The following COL7A1 variants were observed in gnomAD, a reference collection of about 807,000 sequenced individuals.
COL7A1 encodes the protein collagen type VII alpha 1 chain.
COL7A1 carries 296 observed loss-of-function variants against 456.2 expected under a neutral mutation model. The observed-to-expected ratio is 0.65, with a 90% confidence interval of 0.59 to 0.71. The LOEUF (loss-of-function observed/expected upper bound fraction) is 0.71. COL7A1 is among the 30% of genes least tolerant of loss of function. COL7A1 has a pLI of 0.00. For synonymous variants in COL7A1, 1,464 were observed against 1,525.9 expected, an observed-to-expected ratio of 0.96 and a Z score of 0.95; for missense variants, 3,441 against 4,017.2, an observed-to-expected ratio of 0.86 and a Z score of 3.88.
rs2045102629 is a variant in COL7A1 at position 48,584,743 on chromosome 3, C to T, written c.4038G>A (p.Lys1346=). ...DPGERGPRGP[K]GEPGAPGQVI... is the part of the protein sequence containing the mutation. ...TTCCCCCTTCACCTACCGGCTCCCC[C>T]TTTGGGCCTCGAGGTCCTCGCTCTC... Residue 1346 remains lysine (K), a synonymous_variant, in exon 35 of 119, where the codon AAG becomes AAA. Transcript: ENST00000681320. 3 of 1,613,906 alleles carry T rather than the reference C, an allele frequency of 1.9e-6. No individual in the cohort carries two copies. In the South Asian group the frequency reaches 3.3e-5, roughly 18 times the overall value.
Position 48,568,499 on chromosome 3 carries a change from C to T in COL7A1, c.7794G>A (p.Pro2598=), listed in dbSNP as rs377067446. The change falls in exon 105 of 119, where the codon CCG becomes CCA. Residue 2598 remains proline, a splice_region_variant and synonymous_variant. Coordinates refer to ENST00000681320, the MANE Select transcript of COL7A1 (RefSeq NM_000094.4). The surrounding 1 kb of genome is among the most constrained non-coding windows in gnomAD (Gnocchi z 5.2). ...QPGAAGIPGD[P]GSPGKDGVPG... is the part of the protein sequence containing the mutation. The stretch of plus-strand genomic sequence containing the variant: ...CCCTGTGGGAGCAGGGGCATCTTAC[C>T]GGGTCACCAGGGATCCCTGCTGCAC... 6.4e-5 allele frequency: 103 copies of T among 1,604,196 alleles called. No homozygotes were observed. Among genetic ancestry groups the T allele is most frequent in the South Asian group, 1.2e-4 (11 of 90,542 alleles).
rs1406743927 is a variant in COL7A1 at position 48,590,642 on chromosome 3, C to T, written c.1780+31G>A. On this transcript the variant is annotated intron_variant, in intron 14 of 118. Coordinates refer to ENST00000681320, the MANE Select transcript of COL7A1 (RefSeq NM_000094.4). This position sits in a 1 kb window ranked among gnomAD's most constrained non-coding sequence, Gnocchi z 4.6. Reference sequence around the variant, plus strand: ...ACCAGGACCAGAGTGAGGCAGGCAGCTGTCCTCCACAAGCCTCCTGCAGTA... The same window carrying T: ...ACCAGGACCAGAGTGAGGCAGGCAGTTGTCCTCCACAAGCCTCCTGCAGTA... 6.8e-6 allele frequency: 11 copies of T among 1,613,982 alleles called. No individual in the cohort carries two copies. The highest frequency in any genetic ancestry group is 8.5e-6 in the Non-Finnish European group (10 of 1,180,026).
rs1185095378 is a variant in COL7A1 at position 48,575,037 on chromosome 3, G to T, written c.6279+27C>A. 6.2e-7 allele frequency: 1 copy of T among 1,608,190 alleles called. No homozygotes were observed. Among genetic ancestry groups the T allele is most frequent in the South Asian group, 1.1e-5 (1 of 90,952 alleles). On this transcript the variant is annotated intron_variant, in intron 76 of 118. Transcript: ENST00000681320. This position sits in a 1 kb window ranked among gnomAD's most constrained non-coding sequence, Gnocchi z 6.3. ...GGTGGCTTCCTGGTCACTAGTCACA[G>T]GACTAAGGCAGGGATGGGGTGATCA...
In COL7A1 at chr3:48,590,491, C is replaced by T. The variant is rs775107475; in HGVS notation, c.1874G>A (p.Ser625Asn). 1.2e-6 allele frequency: 2 copies of T among 1,614,188 alleles called. No individual in the cohort carries two copies. Among genetic ancestry groups the T allele is most frequent in the Admixed American group, 3.3e-5 (2 of 60,034 alleles). ...RVAWGPVPGASGFRISWSTGS... is the reference protein window; with the variant it reads ...RVAWGPVPGANGFRISWSTGS... Reference sequence around the variant, plus strand: ...TGTGCTCCAGCTAATCCGAAATCCACTGGCTCCAGGGACGGGTCCCCAGGC... The same window carrying T: ...TGTGCTCCAGCTAATCCGAAATCCATTGGCTCCAGGGACGGGTCCCCAGGC... The change falls in exon 15 of 119, where the codon AGT (serine) becomes AAT (asparagine). Residue 625 changes from serine to asparagine, a missense_variant. Ser to Asn is a conservative substitution (Grantham distance 46, BLOSUM62 1). Coordinates refer to ENST00000681320, the MANE Select transcript of COL7A1 (RefSeq NM_000094.4). This position sits in a 1 kb window ranked among gnomAD's most constrained non-coding sequence, Gnocchi z 4.6.
chr3:48,584,981 C>T, intron 33 of COL7A1, 36 bp from the exon 34 acceptor site: 1 of 1,613,674 alleles, frequency 6.2e-7, no homozygotes, highest in Non-Finnish European at 8.5e-7. Context: ...CAGTCGGAGC[C>T]ACCCCACCCA....
chr3:48,567,361 C>A lies in COL7A1; in HGVS notation c.8047-171G>T. The stretch of plus-strand genomic sequence containing the variant: ...ACTCCAACTCCACTATAGCCCCCTG[C>A]CCTGATGCACATGCCCCCTCCACCT... On this transcript the variant is annotated intron_variant, in intron 109 of 118. Coordinates refer to ENST00000681320, the MANE Select transcript of COL7A1 (RefSeq NM_000094.4). The surrounding 1 kb of genome is among the most constrained non-coding windows in gnomAD (Gnocchi z 4.3). 1 of 952,162 alleles carries A rather than the reference C, an allele frequency of 1.1e-6. No individual in the cohort carries two copies. The allele number at this position is 952,162 out of a possible 1,614,324, so 59.0% of individuals were successfully genotyped here. A position where few individuals can be genotyped will look rare whatever the true frequency, so the allele number is the denominator to read the frequency against.
chr3:48,587,356 A>G lies in COL7A1; in HGVS notation c.2993-20T>C, dbSNP rs758781363. 7 of 1,611,348 alleles carry G rather than the reference A, an allele frequency of 4.3e-6. No homozygotes were observed. The South Asian group carries it at 7.7e-5, about 18-fold the overall frequency. On this transcript the variant is annotated intron_variant, in intron 23 of 118. Coordinates refer to ENST00000681320, the MANE Select transcript of COL7A1 (RefSeq NM_000094.4). This position sits in a 1 kb window ranked among gnomAD's most constrained non-coding sequence, Gnocchi z 6.1. Reference sequence around the variant, plus strand: ...GCACTTCTGCAGGAGACAGAACTTGATTAAAAAGCTGTCTCCACAGAGCCC... The same window carrying G: ...GCACTTCTGCAGGAGACAGAACTTGGTTAAAAAGCTGTCTCCACAGAGCCC...
chr3:48,573,261 A>G lies in COL7A1; in HGVS notation c.6652-25T>C. The G allele has an allele frequency of 6.2e-7, 1 of 1,614,078 alleles. No homozygotes were observed. Among genetic ancestry groups the G allele is most frequent in the Non-Finnish European group, 8.5e-7 (1 of 1,180,022 alleles). On this transcript the variant is annotated intron_variant, in intron 84 of 118. Coordinates refer to ENST00000681320, the MANE Select transcript of COL7A1 (RefSeq NM_000094.4). The surrounding 1 kb of genome is among the most constrained non-coding windows in gnomAD (Gnocchi z 5.5). ...CCTGGAGGAAGAGAAAGTTCAGGGC[A>G]GTGCCAACCCCACCCATCTCCCTAT...
chr3:48,580,699 G>A lies in COL7A1; in HGVS notation c.4981-47C>T. 1.2e-6 allele frequency: 2 copies of A among 1,606,480 alleles called. No homozygotes were observed. The highest frequency in any genetic ancestry group is 2.2e-5 in the South Asian group (2 of 90,832). On this transcript the variant is annotated intron_variant, in intron 54 of 118. Coordinates refer to ENST00000681320, the MANE Select transcript of COL7A1 (RefSeq NM_000094.4). The surrounding 1 kb of genome is among the most constrained non-coding windows in gnomAD (Gnocchi z 4.5). Reference sequence around the variant, plus strand: ...AGACAGACCCTCCCAATATTTTGCAGGTGCCCCTATGACCCGCTACACTGC... The same window carrying A: ...AGACAGACCCTCCCAATATTTTGCAAGTGCCCCTATGACCCGCTACACTGC...
chr3:48,564,807 G>T lies in COL7A1; in HGVS notation c.8794C>A (p.Arg2932=), dbSNP rs752160116. The change falls in exon 118 of 119, where the codon CGG becomes AGG. Residue 2932 remains arginine (R), a synonymous_variant. Coordinates refer to ENST00000681320, the MANE Select transcript of COL7A1 (RefSeq NM_000094.4). The surrounding 1 kb of genome is among the most constrained non-coding windows in gnomAD (Gnocchi z 6.0). ...CCTGTCCCCTGGCTCTGGACCACCC[G>T]GGGTGGGCAGCGGCGCTCGCAGGCC... ...REACERRCPP[R]VVQSQGTGTA... is the part of the protein sequence containing the mutation. 1.9e-6 allele frequency: 3 copies of T among 1,613,958 alleles called. No individual in the cohort carries two copies. The highest frequency in any genetic ancestry group is 1.6e-4 in the Middle Eastern group (1 of 6,062).
At position 48,573,318 on chromosome 3, in the gene COL7A1, G is replaced by A. The variant is rs546653276; in HGVS notation, c.6649C>T (p.Arg2217Trp). Residue 2217 changes from arginine to tryptophan, a missense_variant and splice_region_variant, in exon 84 of 119, where the codon CGG (arginine) becomes TGG (tryptophan). Physicochemically the swap from Arg to Trp is moderately radical, Grantham distance 101 (BLOSUM62 -3). Coordinates refer to ENST00000681320, the MANE Select transcript of COL7A1 (RefSeq NM_000094.4). The surrounding 1 kb of genome is among the most constrained non-coding windows in gnomAD (Gnocchi z 5.5). ...AACCTGTGAGCTAGGCCACTCACCC[G>A]TCCTGGAGGTCCTGTCTCTCCAGGC... ...GEPGETGPPG[R>W]GLTGPTGAVG... 279 of 1,613,954 alleles carry A rather than the reference G, an allele frequency of 1.7e-4. 6 individuals carry two copies. The South Asian group carries it at 2.8e-3, about 16-fold the overall frequency.
intron 38 of COL7A1, 21 bp downstream of exon 38, chr3:48,584,014 C>A (rs964503141): frequency 6.2e-7 from 1 of 1,614,074 alleles, no homozygotes; most frequent in African/African-American, 1.3e-5. Flanking sequence ...CCACCCCTAG[C>A]ACAACCTGTC....
Position 48,579,009 on chromosome 3 carries a change from C to T in COL7A1, c.5389-55G>A. ...TGGTCATGGGGTCAGGGGCTCTAGT[C>T]CCTGTGAGCCTAAGGCCTGCATGGC... On this transcript the variant is annotated intron_variant, in intron 62 of 118. Coordinates refer to ENST00000681320, the MANE Select transcript of COL7A1 (RefSeq NM_000094.4). This position sits in a 1 kb window ranked among gnomAD's most constrained non-coding sequence, Gnocchi z 4.4. 6.2e-7 allele frequency: 1 copy of T among 1,609,916 alleles called. No individual in the cohort carries two copies. The highest frequency in any genetic ancestry group is 1.3e-5 in the African/African-American group (1 of 74,990).
At position 48,574,696 on chromosome 3, in the gene COL7A1, T is replaced by C. The variant is rs781765506; in HGVS notation, c.6374A>G (p.Gln2125Arg). Residue 2125 changes from glutamine to arginine, a missense_variant, in exon 78 of 119, where the codon CAA becomes CGA. Physicochemically the swap from Gln to Arg is conservative, Grantham distance 43. Around this residue, in one of 3 missense-constraint regions of COL7A1, gnomAD observed 2,084 missense variants for 2,501.3 expected, o/e 0.83. Coordinates refer to ENST00000681320, the MANE Select transcript of COL7A1 (RefSeq NM_000094.4). This position sits in a 1 kb window ranked among gnomAD's most constrained non-coding sequence, Gnocchi z 5.0. ...AKGEPGSNGD[Q>R]GPKGDRGVPG... ...CCTCACCCTGTCTCCTTTGGGACCT[T>C]GGTCACCATTGCTGCCCGGCTCCCC... 9.9e-6 allele frequency: 16 copies of C among 1,613,798 alleles called. No individual in the cohort carries two copies.
Position 48,566,801 on chromosome 3 carries a change from G to T in COL7A1, c.8227-64C>A. The T allele has an allele frequency of 6.3e-7, 1 of 1,599,878 alleles. No individual in the cohort carries two copies. The highest frequency in any genetic ancestry group is 8.6e-7 in the Non-Finnish European group (1 of 1,168,756). On this transcript the variant is annotated intron_variant, in intron 111 of 118. Transcript: ENST00000681320. The surrounding 1 kb of genome is among the most constrained non-coding windows in gnomAD (Gnocchi z 5.9). ...AGTGGGGATCAGAGTCAGGCAGGTT[G>T]GGGGCCACAGCTTCAGAGGTTGGGG...
Position 48,571,632 on chromosome 3 carries a change from C to G in COL7A1, c.7069-354G>C. ...CCACTCCCGGGTAGAGCAGGCATGG[C>G]CACAGGCTGAACGCTGGCAGCCAGG... On this transcript the variant is annotated intron_variant, in intron 92 of 118. Transcript: ENST00000681320. The surrounding 1 kb of genome is among the most constrained non-coding windows in gnomAD (Gnocchi z 4.6). 1 of 656,084 alleles carries G rather than the reference C, an allele frequency of 1.5e-6. No individual in the cohort carries two copies. The highest frequency in any genetic ancestry group is 1.5e-5 in the South Asian group (1 of 66,126). The allele number at this position is 656,084 out of a possible 1,614,324, so 40.6% of individuals were successfully genotyped here.
In COL7A1 at chr3:48,580,006, G is replaced by GA; in HGVS notation, c.5124+24_5124+25insT. ...AGGGGCAAGTGAGAACAATGACAGA[G>GA]GACCAGACCCAGCGCAGCCCTTACC... is the stretch of plus-strand genomic sequence containing the variant. On this transcript the variant is annotated intron_variant, in intron 57 of 118. Transcript: ENST00000681320. The surrounding 1 kb of genome is among the most constrained non-coding windows in gnomAD (Gnocchi z 4.5). The GA allele has an allele frequency of 6.2e-7, 1 of 1,614,038 alleles. No individual in the cohort carries two copies. The highest frequency in any genetic ancestry group is 2.2e-5 in the East Asian group (1 of 44,874).
In COL7A1 at chr3:48,570,299, G is replaced by C; in HGVS notation, c.7416C>G (p.Gly2472=). Residue 2472 remains glycine (G), a synonymous_variant, in exon 98 of 119, where the codon GGC becomes GGG. Coordinates refer to ENST00000681320, the MANE Select transcript of COL7A1 (RefSeq NM_000094.4). This position sits in a 1 kb window ranked among gnomAD's most constrained non-coding sequence, Gnocchi z 5.5. The part of the protein sequence containing the change: ...DPGVGLPGPR[G]ERGEPGIRGE... ...CCCGGATGCCTGGCTCCCCACGCTC[G>C]CCTCGGGGCCCAGGCAGCCCTACTC... The C allele has an allele frequency of 1.2e-6, 2 of 1,614,050 alleles. No individual in the cohort carries two copies. Among genetic ancestry groups the C allele is most frequent in the Non-Finnish European group, 8.5e-7 (1 of 1,179,974 alleles).
rs1337185315 is a variant in COL7A1, at chr3:48,572,700, C to T, written c.6871G>A (p.Glu2291Lys). 1 of 1,608,154 alleles carries T rather than the reference C, an allele frequency of 6.2e-7. No individual in the cohort carries two copies. The highest frequency in any genetic ancestry group is 8.5e-7 in the Non-Finnish European group (1 of 1,177,302). ...GLPGPVGPKG[E>K]PGPTGAPGQA... ...CCAGGGGCCCCCGTGGGGCCAGGTT[C>T]TCCTTTAGGTCCGACAGGGCCAGGC... is the stretch of plus-strand genomic sequence containing the variant. The change falls in exon 88 of 119, where the codon GAA becomes AAA. Residue 2291 changes from glutamate (E) to lysine (K), a missense_variant. By Grantham distance (56) the Glu-to-Lys change is moderately conservative (BLOSUM62 1). Around this residue, in one of 3 missense-constraint regions of COL7A1, gnomAD observed 2,084 missense variants for 2,501.3 expected, o/e 0.83. Transcript: ENST00000681320. The surrounding 1 kb of genome is among the most constrained non-coding windows in gnomAD (Gnocchi z 4.6).
Sources: gnomAD v4.1 joint callset for allele counts on GRCh38, gnomAD v4.1.1 for gene constraint, gnomAD v4.1.1 regional missense constraint, Gnocchi (gnomAD v3.1) non-coding constraint, MANE v1.5 for transcripts, NCBI Gene and HGNC (gene_info 2026-07-23, HGNC 2026-07-21) for gene names.